The following ANKRD24 variants were observed in gnomAD, a reference collection of about 807,000 sequenced individuals.
ANKRD24 encodes the protein ankyrin repeat domain 24, also known as ankyrin repeat domain-containing protein 24.
ANKRD24 carries 109 observed loss-of-function variants against 127.8 expected under a neutral mutation model. The ratio of observed to expected loss-of-function variants is 0.85; its 90% CI spans 0.73 to 1.00. The LOEUF (loss-of-function observed/expected upper bound fraction) is 1.00. Among genes scored for constraint, ANKRD24 ranks in the 50% least tolerant of loss-of-function variants. The pLI, the probability that ANKRD24 is intolerant of heterozygous loss-of-function variation, is 0.00. For missense variants in ANKRD24, 1,648 were observed against 1,570.2 expected (o/e 1.05, Z -0.84); for synonymous variants, 743 against 671.1 (o/e 1.11, Z -1.66).
Position 4,216,726 on chromosome 19 carries a change from G to A in ANKRD24, c.1566G>A (p.Glu522=). ...AGACACGAGAGGTCCCCAGAGAAGA[G>A]GGGGCAGCCTGTGGGGAGAGTGAGG... ...QQETREVPRE[E]GAACGESEVA... Residue 522 remains glutamate, a synonymous_variant, in exon 18 of 22, where the codon GAG becomes GAA. Transcript: ENST00000318934. The A allele has an allele frequency of 1.3e-6, 2 of 1,577,802 alleles. No homozygotes were observed. The highest frequency in any genetic ancestry group is 1.2e-5 in the South Asian group (1 of 86,600).
At chr19:4,200,851 C>T (rs1200667534) in intron 5 of ANKRD24, among the ~76,000 whole-genome samples, 1 of 151,812 alleles carries the variant, frequency 6.6e-6, no homozygotes, top group Non-Finnish European at 1.5e-5. Flanking sequence ...GTGACTGAGG[C>T]AGAGGAAGAA....
intron 15 of ANKRD24, among the ~76,000 whole-genome samples, chr19:4,215,384 T>C (rs570137500): frequency 2.6e-5 from 4 of 150,958 alleles, no homozygotes; most frequent in African/African-American, 9.7e-5. Flanking sequence ...ACTCTGGAGG[T>C]TGAGGCGGGA....
intron 2 of ANKRD24, among the ~76,000 whole-genome samples, chr19:4,193,288 C>CAA (rs1968488456): frequency 7.8e-6 from 1 of 127,834 alleles, no homozygotes; most frequent in East Asian, 2.3e-4. Context: ...GGCAATAGAG[C>CAA]GACTCCATCA....
intron 12 of ANKRD24, 40 bp from the exon 13 acceptor site, chr19:4,210,225 C>G: frequency 6.4e-7 from 1 of 1,559,908 alleles, no homozygotes; most frequent in Non-Finnish European, 8.7e-7. Flanking sequence ...ATGGGGCAAC[C>G]TTAGGCCCCA....
Position 4,216,569 on chromosome 19 carries a change from A to G in ANKRD24, c.1409A>G (p.Lys470Arg). 6.2e-7 allele frequency: 1 copy of G among 1,609,856 alleles called. No homozygotes were observed. Among genetic ancestry groups the G allele is most frequent in the Non-Finnish European group, 8.5e-7 (1 of 1,177,718 alleles). ...CCCCAGATCCTGGAGAACTTTGAGAAGGACGAGACACAGATGGAAGTGGAA... is the reference window on the plus strand; with the variant it reads ...CCCCAGATCCTGGAGAACTTTGAGAGGGACGAGACACAGATGGAAGTGGAA... ...EKVQILENFE[K>R]DETQMEVEAL... The change falls in exon 18 of 22, where the codon AAG becomes AGG. Residue 470 changes from lysine to arginine, a missense_variant. Coordinates refer to ENST00000318934, the MANE Select transcript of ANKRD24 (RefSeq NM_001393985.1).
intron 2 of ANKRD24, among the ~76,000 whole-genome samples, chr19:4,191,990 T>C (rs1225017999): frequency 1.3e-5 from 2 of 150,966 alleles, no homozygotes; most frequent in East Asian, 1.9e-4. Flanking sequence ...GGTTTTGCCA[T>C]GTTGGCCAGG....
intron 8 of ANKRD24, 88 bp downstream of exon 8, chr19:4,207,400 C>A: frequency 1.3e-6 from 2 of 1,580,750 alleles, no homozygotes; most frequent in Non-Finnish European, 1.7e-6. Flanking sequence ...CTTTGAAAGT[C>A]TGAGAAAGTT....
rs1340285086 is a variant in ANKRD24, at chr19:4,202,921, A to G, written c.461A>G (p.His154Arg). ...AGCAGCGGGTGGACTGCCCTACACC[A>G]TGCAGGTGGGTGCAGCCCAGCCCTG... ...VDSSGWTALH[H>R]AAAGGCLSCS... Residue 154 changes from histidine to arginine, a missense_variant, in exon 7 of 22, where the codon CAT becomes CGT. Coordinates refer to ENST00000318934, the MANE Select transcript of ANKRD24 (RefSeq NM_001393985.1). 1.3e-6 allele frequency: 2 copies of G among 1,574,852 alleles called. No individual in the cohort carries two copies. The highest frequency in any genetic ancestry group is 1.8e-5 in the Admixed American group (1 of 55,168).
chr19:4,185,956 C>T (rs1312392570), intron 1 of ANKRD24, among the ~76,000 whole-genome samples: 3 of 152,176 alleles, frequency 2.0e-5, no homozygotes, highest in Middle Eastern at 3.4e-3. Context: ...TGGAACTGGG[C>T]TTTGAAGGAT....
At position 4,202,093 on chromosome 19, in the gene ANKRD24, C is replaced by T. The variant is rs372313678; in HGVS notation, c.408+3C>T. On this transcript the variant is annotated splice_donor_region_variant and intron_variant, in intron 6 of 21. Transcript: ENST00000318934. ...AGTGCTTGAAGCAACTACTGCAGGT[C>T]ATTTACTGTCTTATCTCAGCTACTC... The T allele has an allele frequency of 6.2e-7, 1 of 1,613,518 alleles. No homozygotes were observed. The highest frequency in any genetic ancestry group is 1.3e-5 in the African/African-American group (1 of 74,880).
intron 2 of ANKRD24, among the ~76,000 whole-genome samples, chr19:4,196,844 C>T (rs531799559): frequency 1.3e-5 from 2 of 152,260 alleles, no homozygotes; most frequent in African/African-American, 2.4e-5. Context: ...GGAGCACCTG[C>T]CATGGGCCAG....
intron 2 of ANKRD24, among the ~76,000 whole-genome samples, chr19:4,196,886 C>T (rs1332898533): frequency 6.6e-6 from 1 of 152,164 alleles, no homozygotes; most frequent in Non-Finnish European, 1.5e-5. Context: ...CAGAAAGGAA[C>T]CCAAGGCCCC....
intron 2 of ANKRD24, among the ~76,000 whole-genome samples, chr19:4,190,555 T>C (rs992688224): frequency 9.3e-5 from 14 of 151,020 alleles, no homozygotes; most frequent in Non-Finnish European, 1.6e-4. Context: ...TGAAACCCCC[T>C]CTCTACTAAA....
chr19:4,206,012 G>A (rs1318143756), intron 7 of ANKRD24, among the ~76,000 whole-genome samples: 1 of 130,096 alleles, frequency 7.7e-6, no homozygotes, highest in African/African-American at 2.9e-5. Flanking sequence ...TGTGGTGGCG[G>A]GCGCCTGTAG....
intron 2 of ANKRD24, among the ~76,000 whole-genome samples, chr19:4,187,321 G>A (rs1372360314): frequency 6.6e-6 from 1 of 152,082 alleles, no homozygotes; most frequent in East Asian, 1.9e-4. Context: ...GCTGAGGCAG[G>A]AGAATTGCTT....
In ANKRD24 at chr19:4,217,436, C is replaced by A; in HGVS notation, c.2276C>A (p.Ala759Asp). ...AALGKCEAAEAEAGRLRERVR... is the reference protein window; with the variant it reads ...AALGKCEAAEDEAGRLRERVR... ...CTGGGGAAGTGCGAGGCCGCGGAGG[C>A]CGAGGCAGGCCGGCTGCGAGAGCGT... Residue 759 changes from alanine (A) to aspartate (D), a missense_variant, in exon 18 of 22, where the codon GCC becomes GAC. Coordinates refer to ENST00000318934, the MANE Select transcript of ANKRD24 (RefSeq NM_001393985.1). 6.5e-7 allele frequency: 1 copy of A among 1,531,754 alleles called. No homozygotes were observed. Among genetic ancestry groups the A allele is most frequent in the Non-Finnish European group, 8.8e-7 (1 of 1,139,944 alleles). 94.9% of individuals were successfully genotyped at this position (1,531,754 alleles called of 1,614,324 possible). A position where few individuals can be genotyped will look rare whatever the true frequency, so the allele number is the denominator to read the frequency against.
At chr19:4,222,549 C>A in intron 19 of ANKRD24, 121 bp from the exon 20 acceptor site, 1 of 1,250,926 alleles carries the variant, frequency 8.0e-7, no homozygotes, top group East Asian at 2.8e-5. Context: ...AGTTTGCTAA[C>A]CCCAGGGACG....
intron 15 of ANKRD24, among the ~76,000 whole-genome samples, chr19:4,213,536 A>C (rs532201230): frequency 5.7e-5 from 8 of 140,908 alleles, no homozygotes; most frequent in Middle Eastern, 3.6e-3. Context: ...GTTCACGGCA[A>C]CCTCTGCCTC....
At chr19:4,221,178 A>C (rs1473468128) in intron 19 of ANKRD24, among the ~76,000 whole-genome samples, 1 of 151,694 alleles carries the variant, frequency 6.6e-6, no homozygotes, top group African/African-American at 2.4e-5. Context: ...CCCGGGTTCA[A>C]GAGATTCTCC....
Sources: gnomAD v4.1 joint callset for allele counts (sites outside exome capture counted in the v4.1 genomes callset) on GRCh38, gnomAD v4.1.1 for gene constraint, MANE v1.5 for transcripts, NCBI Gene and HGNC (gene_info 2026-07-23, HGNC 2026-07-21) for gene names.